ARMC3: variants seen among roughly 807,000 people sequenced by gnomAD.
The protein encoded by ARMC3 is armadillo repeat containing 3, also known as armadillo repeat-containing protein 3.
Under a neutral mutation model 90.3 loss-of-function variants are expected in ARMC3, and 74 were observed. That is an observed-to-expected ratio of 0.82 (90% CI 0.68 to 0.99). The LOEUF (loss-of-function observed/expected upper bound fraction) is 0.99. ARMC3 is among the 50% of genes least tolerant of loss of function. ARMC3 has a pLI of 0.00. For missense variants in ARMC3, 958 were observed against 1,042.8 expected (o/e 0.92, Z 1.12); for synonymous variants, 334 against 361.8 (o/e 0.92, Z 0.87).
rs746056890 is a variant in ARMC3 at position 22,959,513 on chromosome 10, T to C, written c.476T>C (p.Leu159Pro). Residue 159 changes from leucine to proline, a missense_variant, in exon 6 of 19, where the codon CTG (leucine) becomes CCG (proline). Transcript: ENST00000298032. ...GGATTAGAGCCACTCATCAGACTAC[T>C]GAGTAGCCCTGACCCGGATGTAAAG... is the stretch of plus-strand genomic sequence containing the variant. ...HGGLEPLIRL[L>P]SSPDPDVKKN... 2 of 1,613,970 alleles carry C rather than the reference T, an allele frequency of 1.2e-6. No homozygotes were observed. The highest frequency in any genetic ancestry group is 2.2e-5 in the South Asian group (2 of 91,012).
At chr10:22,996,881 C>G (rs181057724) in intron 10 of ARMC3, among the ~76,000 whole-genome samples, 205 of 151,814 alleles carry the variant, frequency 1.4e-3, no homozygotes, top group Non-Finnish European at 2.0e-3. Flanking sequence ...AAATTTAATT[C>G]ATCACCATAC....
chr10:22,937,809 A>G (rs1236337955), intron 2 of ARMC3, among the ~76,000 whole-genome samples: 3 of 152,094 alleles, frequency 2.0e-5, no homozygotes, highest in African/African-American at 7.2e-5. Flanking sequence ...CTTTACAGAC[A>G]TTTTCCAAGT....
rs368506095 is a variant in ARMC3, at chr10:22,998,348, C to T, written c.1376C>T (p.Ala459Val). 10 of 1,613,906 alleles carry T rather than the reference C, an allele frequency of 6.2e-6. No homozygotes were observed. The African/African-American group carries it at 1.3e-4, about 22-fold the overall frequency. The change falls in exon 11 of 19, where the codon GCT (alanine) becomes GTT (valine). Residue 459 changes from alanine to valine, a missense_variant. Ala to Val is a moderately conservative substitution (Grantham distance 64, BLOSUM62 0). Coordinates refer to ENST00000298032, the MANE Select transcript of ARMC3 (RefSeq NM_173081.5). ...RSANTVVQSK[A>V]ALAVTATACD... Reference sequence around the variant, plus strand: ...GCAAACACAGTCGTGCAGAGCAAAGCTGCTCTCGCTGTCACCGCAACTGCG... The same window carrying T: ...GCAAACACAGTCGTGCAGAGCAAAGTTGCTCTCGCTGTCACCGCAACTGCG...
At chr10:22,986,127 C>A (rs1270402099) in intron 10 of ARMC3, among the ~76,000 whole-genome samples, 1 of 149,638 alleles carries the variant, frequency 6.7e-6, no homozygotes, top group Non-Finnish European at 1.5e-5. Flanking sequence ...CCCCGCGCCA[C>A]ACACCAACCA....
At chr10:23,003,478 C>A in intron 13 of ARMC3, 64 bp downstream of exon 13, 1 of 1,270,058 alleles carries the variant, frequency 7.9e-7, no homozygotes, top group Non-Finnish European at 1.1e-6. Flanking sequence ...AATCCTGATG[C>A]CATTACATTG....
chr10:22,954,591 G>T (rs574669105), intron 3 of ARMC3, among the ~76,000 whole-genome samples: 1 of 150,870 alleles, frequency 6.6e-6, no homozygotes, highest in South Asian at 2.1e-4. Context: ...AGAATCGCTT[G>T]AGCCGAGGAG....
chr10:23,008,939 A>G lies in ARMC3; in HGVS notation c.2045+8A>G. On this transcript the variant is annotated splice_region_variant and intron_variant, in intron 16 of 18. Transcript: ENST00000298032. ...CAAAGAAAAAGGATGGAGGTAAGAA[A>G]GTGTCCTGAGTTCCTCATTACCCAG... is the stretch of plus-strand genomic sequence containing the variant. 1 of 1,608,934 alleles carries G rather than the reference A, an allele frequency of 6.2e-7. No homozygotes were observed. Among genetic ancestry groups the G allele is most frequent in the Non-Finnish European group, 8.5e-7 (1 of 1,176,324 alleles).
intron 8 of ARMC3, among the ~76,000 whole-genome samples, chr10:22,973,348 T>G (rs1835757757): frequency 6.7e-6 from 1 of 149,756 alleles, no homozygotes; most frequent in African/African-American, 2.4e-5. Flanking sequence ...CCTAACATCT[T>G]TGATTTATAG....
intron 4 of ARMC3, 90 bp downstream of exon 4, chr10:22,956,022 T>A: frequency 1.6e-6 from 2 of 1,254,052 alleles, no homozygotes; most frequent in Non-Finnish European, 2.2e-6. Context: ...TTGTTTCAAT[T>A]TTATTTAAAC....
At chr10:23,012,066 A>G (rs1271572872) in intron 16 of ARMC3, among the ~76,000 whole-genome samples, 2 of 152,138 alleles carry the variant, frequency 1.3e-5, no homozygotes, top group Non-Finnish European at 2.9e-5. Flanking sequence ...ATCAGCTTTC[A>G]TCTTTGGTTC....
chr10:23,018,348 G>A (rs1319269065), intron 16 of ARMC3, among the ~76,000 whole-genome samples: 2 of 152,058 alleles, frequency 1.3e-5, no homozygotes, highest in Non-Finnish European at 2.9e-5. Context: ...GGAAACTTAG[G>A]TTCTCATTTC....
chr10:22,955,984 C>T (rs754398468), intron 4 of ARMC3, 52 bp downstream of exon 4: 93 of 1,453,538 alleles, frequency 6.4e-5, no homozygotes, highest in Non-Finnish European at 8.5e-5. Context: ...AATGCATTAT[C>T]ATTCTTTTAA....
intron 4 of ARMC3, among the ~76,000 whole-genome samples, chr10:22,956,462 G>C (rs1006766825): frequency 6.6e-6 from 1 of 152,074 alleles, no homozygotes; most frequent in African/African-American, 2.4e-5. Flanking sequence ...AAGTAGCCAG[G>C]AATAGTGGCA....
At chr10:23,022,709 C>T (rs761071790) in intron 16 of ARMC3, among the ~76,000 whole-genome samples, 10 of 152,158 alleles carry the variant, frequency 6.6e-5, no homozygotes, top group Non-Finnish European at 1.3e-4. Context: ...TTTCCCCCTT[C>T]TACCCCTAGA....
At chr10:23,023,956 A>G (rs12261689) in intron 16 of ARMC3, among the ~76,000 whole-genome samples, 4,506 of 152,224 alleles carry the variant, frequency 0.03, 225 homozygotes, top group African/African-American at 0.1. Flanking sequence ...ATGATTGAAA[A>G]CTCCCCACAT....
At chr10:22,955,533 G>A in intron 3 of ARMC3, 3 of 271,914 alleles carry the variant, frequency 1.1e-5, no homozygotes, top group Non-Finnish European at 1.4e-5. Flanking sequence ...TGTGGTGACA[G>A]AATTAGATAG....
chr10:22,972,871 C>T (rs1032593518), intron 8 of ARMC3, among the ~76,000 whole-genome samples: 3 of 152,184 alleles, frequency 2.0e-5, no homozygotes, highest in African/African-American at 7.2e-5. Flanking sequence ...CAGTCTTATG[C>T]AGCAAGTATT....
intron 7 of ARMC3, among the ~76,000 whole-genome samples, chr10:22,963,887 T>TCTCA (rs1184167653): frequency 2.1e-4 from 7 of 33,860 alleles, no homozygotes; most frequent in African/African-American, 7.2e-4. Flanking sequence ...AGACTCTGTC[T>TCTCA]CACACACACA....
chr10:22,941,195 G>A (rs146952945), intron 2 of ARMC3, among the ~76,000 whole-genome samples: 2 of 152,306 alleles, frequency 1.3e-5, no homozygotes, highest in African/African-American at 2.4e-5. Flanking sequence ...ACCAGTCATA[G>A]GAGGGGAATC....
Sources: gnomAD v4.1 joint callset for allele counts (sites outside exome capture counted in the v4.1 genomes callset) on GRCh38, gnomAD v4.1.1 for gene constraint, MANE v1.5 for transcripts, NCBI Gene and HGNC (gene_info 2026-07-23, HGNC 2026-07-21) for gene names.